The following RIF1 variants were observed in gnomAD, a reference collection of about 807,000 sequenced individuals.
The protein encoded by RIF1 is replication timing regulatory factor 1.
Under a neutral mutation model 247.1 loss-of-function variants are expected in RIF1, and 45 were observed. The observed-to-expected ratio is 0.18, with a 90% CI of 0.14 to 0.23. The LOEUF (loss-of-function observed/expected upper bound fraction) is 0.23. Among genes scored for constraint, RIF1 ranks in the 10% least tolerant of loss-of-function variants. The probability of loss-of-function intolerance (pLI) is 1.00; values close to 1 mark genes in which losing one functional copy is unlikely to be tolerated. For synonymous variants in RIF1, 1,087 were observed against 978.8 expected (o/e 1.11, Z -2.06); for missense variants, 2,967 against 2,862.5 (o/e 1.04, Z -0.83).
intron 9 of RIF1, chr2:151,490,495 C>G (rs121913662): frequency 6.2e-7 from 1 of 1,609,340 alleles, no homozygotes; most frequent in Non-Finnish European, 8.5e-7. Flanking sequence ...CGTGACTGCT[C>G]CCGGCTCCGG....
At chr2:151,428,119 C>G (rs1398841944) in intron 8 of RIF1, among the ~76,000 whole-genome samples, 1 of 152,080 alleles carries the variant, frequency 6.6e-6, no homozygotes, top group Non-Finnish European at 1.5e-5. Flanking sequence ...ATCCCAGCTA[C>G]TTGGAAGGCT....
chr2:151,497,677 A>C, intron 10 of RIF1: 1 of 1,585,752 alleles, frequency 6.3e-7, no homozygotes, highest in Middle Eastern at 1.7e-4. Flanking sequence ...CGGGAGTGAC[A>C]GGTAAAGGGG....
At chr2:151,512,594 G>T (rs539727676), downstream of RIF1, 1 of 709,322 alleles carries the variant, frequency 1.4e-6, no homozygotes, top group Non-Finnish European at 2.5e-6. Context: ...GAATACAGAC[G>T]TGAGCCACTG....
intron 3 of RIF1, among the ~76,000 whole-genome samples, chr2:151,413,601 A>G (rs1167676432): frequency 1.3e-5 from 2 of 152,338 alleles, no homozygotes; most frequent in East Asian, 3.9e-4. Context: ...TTTAATGAAG[A>G]TTAATCACAA....
the RIF1 span, chr2:151,519,620 ACC>A: frequency 7.0e-7 from 1 of 1,435,996 alleles, no homozygotes; most frequent in Non-Finnish European, 9.8e-7. Context: ...AATGGCAAAT[ACC>A]ATGTTATATA....
At chr2:151,417,008 G>T in intron 6 of RIF1, 107 bp downstream of exon 6, 11 of 756,258 alleles carry the variant, frequency 1.5e-5, no homozygotes, top group Non-Finnish European at 2.2e-5. Context: ...AGGGGGGAAT[G>T]TCATTTACAC....
chr2:151,514,818 C>G, the RIF1 span: 1 of 1,561,382 alleles, frequency 6.4e-7, no homozygotes, highest in Admixed American at 1.9e-5. Context: ...TGGGCACTAC[C>G]TCGCTTGCTA....
chr2:151,490,050 A>C (rs1192073133), intron 9 of RIF1: 2 of 1,611,442 alleles, frequency 1.2e-6, no homozygotes, highest in South Asian at 2.2e-5. Flanking sequence ...TTGTTGTGGG[A>C]GCTCTGTGGT....
chr2:151,509,364 A>G (rs1237172238), downstream of RIF1, among the ~76,000 whole-genome samples: 2 of 152,202 alleles, frequency 1.3e-5, no homozygotes, highest in African/African-American at 4.8e-5. Flanking sequence ...GAATAGAAAC[A>G]ATCGTCCTTT....
In RIF1 at chr2:151,474,917, G is replaced by C; in HGVS notation, c.7265G>C (p.Ser2422Thr). The change falls in exon 36 of 36, where the codon AGT becomes ACT. Residue 2422 changes from serine (S) to threonine (T), a missense_variant. Transcript: ENST00000444746. ...PLSKNLLAQI[S>T]ALALQLDSED... ...TCCAAAAACCTTCTGGCACAGATTAGTGCTCTTGCTCTTCAGCTGGATTCA... is the reference window on the plus strand; with the variant it reads ...TCCAAAAACCTTCTGGCACAGATTACTGCTCTTGCTCTTCAGCTGGATTCA... The C allele has an allele frequency of 6.2e-7, 1 of 1,608,062 alleles. No individual in the cohort carries two copies. Among genetic ancestry groups the C allele is most frequent in the Non-Finnish European group, 8.5e-7 (1 of 1,174,818 alleles).
chr2:151,457,087 G>GT (rs545229546), intron 23 of RIF1, among the ~76,000 whole-genome samples: 12,622 of 143,354 alleles, frequency 0.088, 1,644 homozygotes, highest in African/African-American at 0.29. Context: ...CATTTATAGG[G>GT]TTTTTTTTTT....
At position 151,463,514 on chromosome 2, in the gene RIF1, CTT is replaced by C; in HGVS notation, c.3995_3996del (p.Leu1332GlnfsTer9). 6.2e-7 allele frequency: 1 copy of C among 1,614,016 alleles called. No individual in the cohort carries two copies. Among genetic ancestry groups the C allele is most frequent in the Non-Finnish European group, 8.5e-7 (1 of 1,179,952 alleles). ...VVLENNPPGLLNQTECVSDNQ... is the reference protein window; with the variant it reads ...VVLENNPPGLXNQTECVSDNQ... The stretch of plus-strand genomic sequence containing the variant: ...CTTAGAAAATAACCCACCTGGTTTG[CTT>C]AATCAAACAGAATGTGTGTCAGATA... On this transcript the variant is annotated frameshift_variant, in exon 30 of 36. Transcript: ENST00000444746. LOFTEE classifies it high-confidence loss of function.
At chr2:151,451,780 A>G (rs993673155) in intron 21 of RIF1, 75 bp downstream of exon 21, 9 of 753,460 alleles carry the variant, frequency 1.2e-5, no homozygotes, top group South Asian at 2.9e-5. Flanking sequence ...GGGAAGTCCT[A>G]ATACCTTTGC....
chr2:151,531,758 G>A, the RIF1 span: 1 of 1,502,598 alleles, frequency 6.7e-7, no homozygotes, highest in East Asian at 2.3e-5. Context: ...TGCCCCCTGA[G>A]TTTGAGAAGG....
At chr2:151,440,416 C>T (rs754054659) in intron 15 of RIF1, among the ~76,000 whole-genome samples, 19 of 152,148 alleles carry the variant, frequency 1.2e-4, no homozygotes, top group Non-Finnish European at 2.6e-4. Flanking sequence ...ACTGAAGAAA[C>T]TCAGATGTCC....
intron 34 of RIF1, among the ~76,000 whole-genome samples, chr2:151,473,181 C>T (rs1228224985): frequency 6.6e-6 from 1 of 151,620 alleles, no homozygotes; most frequent in East Asian, 1.9e-4. Flanking sequence ...AGTGGAATTG[C>T]TGAGTCATGT....
intron 11 of RIF1, among the ~76,000 whole-genome samples, chr2:151,501,710 G>A (rs530157211): frequency 4.4e-4 from 67 of 152,198 alleles, no homozygotes; most frequent in African/African-American, 1.5e-3. Context: ...CCAGGCTGCC[G>A]GCAGGAGTGG....
At chr2:151,416,287 T>C (rs1687207855) in intron 4 of RIF1, among the ~76,000 whole-genome samples, 1 of 152,200 alleles carries the variant, frequency 6.6e-6, no homozygotes, top group Admixed American at 6.5e-5. Context: ...AATTGTCTTG[T>C]ATGTTCAAAC....
In RIF1 at chr2:151,465,427, T is replaced by C. The variant is rs745536635; in HGVS notation, c.5907T>C (p.Phe1969=). The C allele has an allele frequency of 1.8e-5, 29 of 1,613,898 alleles. No homozygotes were observed. In the Middle Eastern group the frequency reaches 2.1e-3, roughly 119 times the overall value. Residue 1969 remains phenylalanine (F), a synonymous_variant, in exon 30 of 36, where the codon TTT becomes TTC. Transcript: ENST00000444746. ...LNAKEVATEE[F]NSDISLSDNT... ...CCAAAGAAGTAGCAACTGAGGAATT[T>C]AATTCAGATATTAGTCTTTCTGATA... is the stretch of plus-strand genomic sequence containing the variant.
Sources: allele counts gnomAD v4.1 joint callset (sites outside exome capture counted in the v4.1 genomes callset), GRCh38; gene constraint gnomAD v4.1.1; transcripts MANE v1.5; gene names NCBI Gene and HGNC (gene_info 2026-07-23, HGNC 2026-07-21).